Variants in SRGAP2B observed in about 807,000 individuals in gnomAD.
The protein encoded by SRGAP2B is SLIT-ROBO Rho GTPase-activating protein 2B.
Under a neutral mutation model 22.2 loss-of-function variants are expected in SRGAP2B, and 9 were observed. The ratio of observed to expected loss-of-function variants is 0.41; its 90% CI spans 0.24 to 0.71. The LOEUF (loss-of-function observed/expected upper bound fraction) is 0.71, where lower values mean the gene tolerates loss of function less well. SRGAP2B is among the 30% of genes least tolerant of loss of function. The pLI is 0.35. For synonymous variants in SRGAP2B, 36 were observed against 87.4 expected (o/e 0.41, Z 3.28); for missense variants, 114 against 235.8 (o/e 0.48, Z 3.38).
intron 3 of SRGAP2B, among the ~76,000 whole-genome samples, chr1:144,966,430 C>T (rs1553612255): frequency 6.8e-6 from 1 of 147,308 alleles, no homozygotes; most frequent in Non-Finnish European, 1.5e-5. Context: ...ACTTTACAGA[C>T]AAGCAAATGC....
At chr1:144,931,422 G>A (rs587710078) in intron 4 of SRGAP2B, among the ~76,000 whole-genome samples, 4,254 of 150,660 alleles carry the variant, frequency 0.028, 454 homozygotes, top group African/African-American at 0.1. Flanking sequence ...ACAGAGCGAA[G>A]ATAGGGGGAA....
intron 4 of SRGAP2B, among the ~76,000 whole-genome samples, chr1:144,950,707 A>G (rs1666790540): frequency 6.7e-6 from 1 of 148,426 alleles, no homozygotes; most frequent in Non-Finnish European, 1.5e-5. Context: ...ATTCAATGAA[A>G]CAGAGAAAAT....
At chr1:145,007,147 C>T in intron 2 of SRGAP2B, among the ~76,000 whole-genome samples, 1 of 150,784 alleles carries the variant, frequency 6.6e-6, no homozygotes, top group Admixed American at 6.6e-5. Flanking sequence ...CCTCCCATTT[C>T]ACAACGAGGG....
rs1278803960 is a variant in SRGAP2B at position 144,956,985 on chromosome 1, T to C, written c.261-1384A>G. On this transcript the variant is annotated intron_variant, in intron 3 of 9. Transcript: ENST00000612199. ...AACTACCTGATGAGGTGGGTGTTAT[T>C]AACCACATTTGGAAGATGAGGAAAA... 1.9e-4 allele frequency among the ~76,000 whole-genome samples: 28 copies of C among 150,736 alleles called. 2 individuals are homozygous for C. Among genetic ancestry groups the C allele is most frequent in the African/African-American group, 6.2e-4 (25 of 40,274 alleles).
intron 5 of SRGAP2B, among the ~76,000 whole-genome samples, chr1:144,910,404 C>T (rs1663334872): frequency 7.0e-6 from 1 of 142,718 alleles, no homozygotes. Context: ...GTGCCTAGTG[C>T]CAGAGTCAAA....
intron 2 of SRGAP2B, among the ~76,000 whole-genome samples, chr1:145,067,116 C>G (rs1651590126): frequency 6.7e-6 from 1 of 148,266 alleles, no homozygotes; most frequent in Non-Finnish European, 1.5e-5. Flanking sequence ...TGGCGAACCT[C>G]TGTCTCTACT....
chr1:144,944,462 C>T (rs1444608511), intron 4 of SRGAP2B, among the ~76,000 whole-genome samples: 2 of 148,390 alleles, frequency 1.3e-5, no homozygotes, highest in African/African-American at 5.1e-5. Context: ...TGGTACACAC[C>T]TGTAGTATCA....
chr1:145,023,108 A>T (rs1453309306), intron 2 of SRGAP2B, among the ~76,000 whole-genome samples: 2 of 148,578 alleles, frequency 1.3e-5, no homozygotes, highest in Non-Finnish European at 3.0e-5. Flanking sequence ...CGGAGGTTGC[A>T]GTGAGCAGAG....
chr1:145,021,718 G>T (rs587752588), intron 2 of SRGAP2B, among the ~76,000 whole-genome samples: 1 of 149,282 alleles, frequency 6.7e-6, no homozygotes, highest in Non-Finnish European at 1.5e-5. Flanking sequence ...GGAGGCTGAC[G>T]CAGGAGAATC....
exon 10 of SRGAP2B, chr1:144,888,989 C>CTGAG (rs1456543231): frequency 1.4e-5 from 2 of 143,848 alleles, no homozygotes; most frequent in African/African-American, 2.7e-5. Context: ...GAGTCTTACT[C>CTGAG]TGTCACCCAG....
rs879983068 is a variant in SRGAP2B, at chr1:145,016,842, G to GT, written c.68-21643dup. ...GGTTCCAACAAAGAAAAGCACTCAA[G>GT]TTTTTTTTTTTTTGTTTTTTTTTTG... is the stretch of plus-strand genomic sequence containing the variant. On this transcript the variant is annotated intron_variant, in intron 2 of 9. Coordinates refer to ENST00000612199, the Ensembl canonical transcript of SRGAP2B. Among the ~76,000 whole-genome samples, 485 of 140,418 alleles carry GT rather than the reference G, an allele frequency of 3.5e-3. 4 individuals carry two copies. Among genetic ancestry groups the GT allele is most frequent in the Admixed American group, 3.6e-3 (51 of 14,216 alleles). The allele number at this position is 140,418 out of a possible 152,430, so 92.1% of individuals were successfully genotyped here. A position where few individuals can be genotyped will look rare whatever the true frequency, so the allele number is the denominator to read the frequency against.
rs1232167788 is a variant in SRGAP2B at position 144,971,894 on chromosome 1, C to A, written c.261-16293G>T. On this transcript the variant is annotated intron_variant, in intron 3 of 9. Coordinates refer to ENST00000612199, the Ensembl canonical transcript of SRGAP2B. ...AGAATCCAGGTCTCCTGACTAGTAA[C>A]CGTTTTCTTATTTCATTGTGGTGGT... Among the ~76,000 whole-genome samples the A allele has an allele frequency of 3.3e-5, 5 of 150,386 alleles. No individual in the cohort carries two copies. The East Asian group carries it at 7.8e-4, about 23-fold the overall frequency.
chr1:144,965,314 T>G (rs1252586203), intron 3 of SRGAP2B, among the ~76,000 whole-genome samples: 1 of 144,442 alleles, frequency 6.9e-6, no homozygotes, highest in African/African-American at 2.7e-5. Context: ...GACTGCCTCC[T>G]CAAGTGGGTC....
At chr1:144,997,372 A>G (rs1239656023) in intron 2 of SRGAP2B, among the ~76,000 whole-genome samples, 3 of 150,780 alleles carry the variant, frequency 2.0e-5, no homozygotes, top group Non-Finnish European at 4.4e-5. Flanking sequence ...TGGAGCTTGC[A>G]CTGAGCAGAG....
chr1:145,068,361 T>C, intron 2 of SRGAP2B, among the ~76,000 whole-genome samples: 1 of 133,850 alleles, frequency 7.5e-6, no homozygotes, highest in Middle Eastern at 4.2e-3. Flanking sequence ...AGTGATTGAA[T>C]GAATGAATTT....
intron 4 of SRGAP2B, among the ~76,000 whole-genome samples, chr1:144,939,319 T>C (rs1426600418): frequency 2.7e-5 from 4 of 149,876 alleles, no homozygotes; most frequent in African/African-American, 1.0e-4. Flanking sequence ...AAGAAACAGA[T>C]GGCTAATTGA....
At chr1:144,960,372 C>T (rs1464817857) in intron 3 of SRGAP2B, among the ~76,000 whole-genome samples, 5 of 150,676 alleles carry the variant, frequency 3.3e-5, no homozygotes, top group Admixed American at 2.0e-4. Context: ...GAAAGGAGAC[C>T]CGGAAAGTCA....
intron 3 of SRGAP2B, among the ~76,000 whole-genome samples, chr1:144,970,181 TA>T (rs1243874901): frequency 1.4e-5 from 2 of 143,962 alleles, no homozygotes; most frequent in African/African-American, 5.5e-5. Context: ...CCTGCTGCTA[TA>T]AAGACACATG....
intron 3 of SRGAP2B, among the ~76,000 whole-genome samples, chr1:144,984,371 A>ACAAC (rs1669560645): frequency 3.5e-5 from 5 of 143,786 alleles, no homozygotes; most frequent in South Asian, 2.2e-4. Flanking sequence ...ACAACAAAAA[A>ACAAC]AAAAAAACAA....
Sources: allele counts gnomAD v4.1 joint callset (sites outside exome capture counted in the v4.1 genomes callset), GRCh38; gene constraint gnomAD v4.1.1; transcripts MANE v1.5; gene names NCBI Gene and HGNC (gene_info 2026-07-23, HGNC 2026-07-21).